The following TBX5 variants were observed in gnomAD, a reference collection of about 807,000 sequenced individuals.
TBX5 encodes T-box transcription factor TBX5.
Under a neutral mutation model 51.1 loss-of-function variants are expected in TBX5, and 8 were observed. The ratio of observed to expected loss-of-function variants is 0.16; its 90% CI spans 0.09 to 0.28. The LOEUF is 0.28. Among genes scored for constraint, TBX5 ranks in the 10% least tolerant of loss-of-function variants. TBX5 has a pLI of 1.00. For synonymous variants in TBX5, 302 were observed against 266.4 expected (o/e 1.13, Z -1.30); for missense variants, 589 against 671.7 (o/e 0.88, Z 1.36).
chr12:114,399,885 G>A, intron 3 of TBX5, among the ~76,000 whole-genome samples: 1 of 152,170 alleles, frequency 6.6e-6, no homozygotes, highest in East Asian at 1.9e-4. Flanking sequence ...GGACGCATGC[G>A]CCTCTAGAGA....
chr12:114,405,388 G>A (rs1872142504), intron 1 of TBX5, among the ~76,000 whole-genome samples: 2 of 152,126 alleles, frequency 1.3e-5, no homozygotes, highest in Admixed American at 6.5e-5. Context: ...GCTGGCGGAG[G>A]CGAACAAGAT....
chr12:114,381,184 C>A (rs1870487176), intron 7 of TBX5, among the ~76,000 whole-genome samples: 1 of 152,314 alleles, frequency 6.6e-6, no homozygotes, highest in South Asian at 2.1e-4. Context: ...ATTTGCCAAG[C>A]AAATCCAAAA....
chr12:114,408,221 G>A (rs947073820), upstream of TBX5: 2 of 985,222 alleles, frequency 2.0e-6, no homozygotes, highest in Non-Finnish European at 2.4e-6. Flanking sequence ...CACAGGTTCC[G>A]GACGTCTTGG....
chr12:114,366,288 A>G lies in TBX5; in HGVS notation c.859T>C (p.Leu287=), dbSNP rs773978838. Residue 287 remains leucine (L), a synonymous_variant, in exon 8 of 9, where the codon TTG becomes CTG. Coordinates refer to ENST00000405440, the MANE Select transcript of TBX5 (RefSeq NM_181486.4). ...TTCTCACACTGGTATTGGGACCCCA[A>G]ATTGGATGAGGTGGAGAGAGCTCGA... The part of the protein sequence containing the change: ...ESRALSTSSN[L]GSQYQCENGV... The G allele has an allele frequency of 5.0e-6, 8 of 1,614,086 alleles. No homozygotes were observed. The Admixed American group carries it at 1.3e-4, about 27-fold the overall frequency.
intron 5 of TBX5, among the ~76,000 whole-genome samples, chr12:114,396,727 G>A (rs904433802): frequency 5.9e-5 from 9 of 152,186 alleles, no homozygotes; most frequent in African/African-American, 1.9e-4. Context: ...TCCAGAAGGA[G>A]CCAGCCCAGA....
chr12:114,374,961 A>G (rs997143767), intron 7 of TBX5, among the ~76,000 whole-genome samples: 5 of 152,162 alleles, frequency 3.3e-5, no homozygotes, highest in Non-Finnish European at 7.3e-5. Context: ...TAGAGCAAAT[A>G]TATAGCAAAA....
rs1872203453 is a variant in TBX5, at chr12:114,406,113, A to T, written c.-524T>A. On this transcript the variant is annotated 5_prime_UTR_variant, in exon 1 of 9. Transcript: ENST00000405440. ...CAAGCCAACTCAGCTGAGCACAGTG[A>T]CGTTGGGTTGCCTCGATGCTCACAA... The T allele has an allele frequency of 1.2e-6, 1 of 864,038 alleles. No homozygotes were observed. Among genetic ancestry groups the T allele is most frequent in the Admixed American group, 6.2e-5 (1 of 16,092 alleles). The allele number at this position is 864,038 out of a possible 1,614,324, so 53.5% of individuals were successfully genotyped here. A position where few individuals can be genotyped will look rare whatever the true frequency, so the allele number is the denominator to read the frequency against.
In TBX5 at chr12:114,355,901, G is replaced by C; in HGVS notation, c.1188C>G (p.Ile396Met). The change falls in exon 9 of 9, where the codon ATC becomes ATG. Residue 396 changes from isoleucine to methionine, a missense_variant. This residue lies in a region of TBX5 where 348 missense variants were observed against 360.4 expected (regional missense o/e 0.97). Transcript: ENST00000405440. ...PSEPVPSLED[I>M]SCNTWPSMPS... Reference sequence around the variant, plus strand: ...GCATGCTTGGCCACGTGTTGCAGCTGATGTCCTCTAGGCTGGGCACAGGCT... The same window carrying C: ...GCATGCTTGGCCACGTGTTGCAGCTCATGTCCTCTAGGCTGGGCACAGGCT... 6.2e-7 allele frequency: 1 copy of C among 1,613,746 alleles called. No individual in the cohort carries two copies.
At chr12:114,387,213 T>G (rs950978852) in intron 6 of TBX5, among the ~76,000 whole-genome samples, 3 of 152,186 alleles carry the variant, frequency 2.0e-5, no homozygotes, top group African/African-American at 7.2e-5. Context: ...CCCAGTAGTA[T>G]AGTTACAGAT....
intron 7 of TBX5, among the ~76,000 whole-genome samples, chr12:114,379,748 C>G (rs569708055): frequency 6.6e-6 from 1 of 152,242 alleles, no homozygotes; most frequent in Non-Finnish European, 1.5e-5. Context: ...TCCATGGACC[C>G]TGGTCCCCTG....
At chr12:114,380,570 T>C (rs7980454) in intron 7 of TBX5, among the ~76,000 whole-genome samples, 38,893 of 152,096 alleles carry the variant, frequency 0.26, 5,250 homozygotes, top group Non-Finnish European at 0.3. Context: ...CTGTGCACCA[T>C]CTAAAACCTG....
rs11067074 is a variant in TBX5 at position 114,361,651 on chromosome 12, T to C, written c.982+4514A>G. On this transcript the variant is annotated intron_variant, in intron 8 of 8. Transcript: ENST00000405440. ...TCATTGGGCCTGACTCCTGGGCTCA[T>C]TGGAAAGGAGACAGACAATGAGGGG... Among the ~76,000 whole-genome samples the C allele has an allele frequency of 0.017, 2,634 of 152,092 alleles. 325 individuals carry two copies. In the East Asian group the frequency reaches 0.35, roughly 20 times the overall value.
chr12:114,401,232 T>C (rs1871792538), intron 3 of TBX5, among the ~76,000 whole-genome samples: 1 of 152,210 alleles, frequency 6.6e-6, no homozygotes, highest in South Asian at 2.1e-4. Flanking sequence ...CCGTGTTTAT[T>C]GGTGTCTGTA....
intron 6 of TBX5, among the ~76,000 whole-genome samples, chr12:114,388,288 G>C (rs951274669): frequency 6.6e-6 from 1 of 152,134 alleles, no homozygotes; most frequent in Non-Finnish European, 1.5e-5. Context: ...CTCCCAAGTA[G>C]TTGGGATTAC....
At position 114,385,410 on chromosome 12, in the gene TBX5, G is replaced by A. The variant is rs564721623; in HGVS notation, c.755+66C>T. The A allele has an allele frequency of 3.5e-6, 5 of 1,443,494 alleles. No homozygotes were observed. In the East Asian group the frequency reaches 6.8e-5, roughly 20 times the overall value. 89.4% of individuals were successfully genotyped at this position (1,443,494 alleles called of 1,614,324 possible). ...TGGTGGAGGGAGGTGCTGGGTTGCT[G>A]CTGGCTTACCTGGGTAATTTGAGGG... On this transcript the variant is annotated intron_variant, in intron 7 of 8. Coordinates refer to ENST00000405440, the MANE Select transcript of TBX5 (RefSeq NM_181486.4).
At chr12:114,365,966 A>T in intron 8 of TBX5, 199 bp downstream of exon 8, 1 of 674,646 alleles carries the variant, frequency 1.5e-6, no homozygotes, top group Non-Finnish European at 2.6e-6. Context: ...AGGGGCTGGA[A>T]CTGGGGGTAG....
intron 7 of TBX5, among the ~76,000 whole-genome samples, chr12:114,380,167 C>G (rs1294971341): frequency 1.3e-5 from 2 of 152,306 alleles, no homozygotes; most frequent in South Asian, 2.1e-4. Context: ...AAAGCCTACT[C>G]TGCCCCAGTC....
intron 4 of TBX5, among the ~76,000 whole-genome samples, chr12:114,399,103 A>G (rs1388851935): frequency 2.6e-5 from 4 of 152,150 alleles, no homozygotes; most frequent in African/African-American, 7.2e-5. Context: ...GCCTCTCCTA[A>G]CTGTTTAACT....
At chr12:114,368,608 C>T (rs1869687386) in intron 7 of TBX5, among the ~76,000 whole-genome samples, 1 of 152,314 alleles carries the variant, frequency 6.6e-6, no homozygotes, top group African/African-American at 2.4e-5. Context: ...ATCATTTCCT[C>T]ATAACTTTTG....
Sources: allele counts gnomAD v4.1 joint callset (sites outside exome capture counted in the v4.1 genomes callset), GRCh38; gene constraint gnomAD v4.1.1; regional missense constraint gnomAD v4.1.1; transcripts MANE v1.5; gene names NCBI Gene and HGNC (gene_info 2026-07-23, HGNC 2026-07-21).